The following SSC4D variants were observed in gnomAD, a reference collection of about 807,000 sequenced individuals.
The protein encoded by SSC4D is scavenger receptor cysteine rich family member with 4 domains.
In SSC4D, 57 loss-of-function variants were observed where a neutral mutation model predicts 63.4. That is an observed-to-expected ratio of 0.90 (90% CI 0.73 to 1.12). The LOEUF (loss-of-function observed/expected upper bound fraction) is 1.12. Among genes scored for constraint, SSC4D ranks in the 50% most tolerant of loss-of-function variants. The pLI is 0.00. For missense variants in SSC4D, 791 were observed against 806.4 expected (o/e 0.98, Z 0.23); for synonymous variants, 352 against 345.4 (o/e 1.02, Z -0.21).
chr7:76,397,878 G>GC, intron 5 of SSC4D, 46 bp from the exon 6 acceptor site: 2 of 1,465,692 alleles, frequency 1.4e-6, no homozygotes, highest in East Asian at 5.0e-5. Flanking sequence ...ACTGGCCTCT[G>GC]CCCCCGTCCG....
At chr7:76,404,770 C>T (rs906052974) in intron 1 of SSC4D, among the ~76,000 whole-genome samples, 2 of 150,288 alleles carry the variant, frequency 1.3e-5, no homozygotes, top group Non-Finnish European at 3.0e-5. Context: ...TGTCTGTTAC[C>T]AAAAAATGCA....
chr7:76,399,295 G>A (rs1804738873), intron 4 of SSC4D, among the ~76,000 whole-genome samples: 1 of 152,016 alleles, frequency 6.6e-6, no homozygotes, highest in South Asian at 2.1e-4. Flanking sequence ...TTACAGGCAT[G>A]AGCCACCGTG....
chr7:76,389,817 A>G lies in SSC4D; in HGVS notation c.*242T>C. 1 of 555,240 alleles carries G rather than the reference A, an allele frequency of 1.8e-6. No individual in the cohort carries two copies. The highest frequency in any genetic ancestry group is 3.2e-6 in the Non-Finnish European group (1 of 315,202). The allele number at this position is 555,240 out of a possible 1,614,324, so 34.4% of individuals were successfully genotyped here. A position where few individuals can be genotyped will look rare whatever the true frequency, so the allele number is the denominator to read the frequency against. Reference sequence around the variant, plus strand: ...CTCGTTTTGGTTTTGGCTGAGCAAAACCACAGGAGCTTTCACTGAATTGGG... The same window carrying G: ...CTCGTTTTGGTTTTGGCTGAGCAAAGCCACAGGAGCTTTCACTGAATTGGG... On this transcript the variant is annotated 3_prime_UTR_variant, in exon 11 of 11. Transcript: ENST00000275560.
In SSC4D at chr7:76,404,347, G is replaced by T. The variant is rs752538526; in HGVS notation, c.93C>A (p.Phe31Leu). The T allele has an allele frequency of 6.2e-7, 1 of 1,612,746 alleles. No individual in the cohort carries two copies. Among genetic ancestry groups the T allele is most frequent in the Admixed American group, 1.7e-5 (1 of 59,868 alleles). ...GAAGGAAAGACAGGGCTTGGGGGAG[G>T]AAGGGAGGGGCAGCACTCCCATCTC... is the stretch of plus-strand genomic sequence containing the variant. ...RLGDGSAAPP[F>L]LPQALSFLLL... The change falls in exon 2 of 11, where the codon TTC becomes TTA. Residue 31 changes from phenylalanine to leucine, a missense_variant. Coordinates refer to ENST00000275560, the MANE Select transcript of SSC4D (RefSeq NM_080744.2).
At chr7:76,395,104 A>G (rs1245085575) in intron 7 of SSC4D, 149 bp downstream of exon 7, 2 of 802,700 alleles carry the variant, frequency 2.5e-6, no homozygotes, top group East Asian at 2.6e-5. Flanking sequence ...CCGTCTGCTC[A>G]TAATTGTCTC....
chr7:76,399,857 C>A (rs958685866), intron 4 of SSC4D, among the ~76,000 whole-genome samples: 4 of 151,908 alleles, frequency 2.6e-5, no homozygotes, highest in Non-Finnish European at 5.9e-5. Flanking sequence ...AGAGGGGAAC[C>A]AGTGGGGTGA....
At chr7:76,396,936 T>C (rs1350073129) in intron 6 of SSC4D, among the ~76,000 whole-genome samples, 1 of 152,186 alleles carries the variant, frequency 6.6e-6, no homozygotes, top group Non-Finnish European at 1.5e-5. Context: ...GGAATATCTC[T>C]GGGGCAATTC....
At chr7:76,392,091 A>T (rs567630895) in intron 9 of SSC4D, 50 bp from the exon 10 acceptor site, 1 of 1,539,874 alleles carries the variant, frequency 6.5e-7, no homozygotes, top group African/African-American at 1.4e-5. Context: ...AATGGGAAGC[A>T]TGTTCCTTAG....
chr7:76,400,264 C>T, intron 4 of SSC4D, 22 bp downstream of exon 4: 1 of 1,443,706 alleles, frequency 6.9e-7, no homozygotes. Context: ...TCTGTCCCTC[C>T]AGGTCCCAGG....
At chr7:76,393,792 C>T in intron 8 of SSC4D, 38 bp downstream of exon 8, 1 of 1,509,248 alleles carries the variant, frequency 6.6e-7, no homozygotes, top group Non-Finnish European at 8.8e-7. Context: ...CAGCCCTACC[C>T]TTCCCCATCC....
At chr7:76,393,925 G>T in intron 7 of SSC4D, 21 bp from the exon 8 acceptor site, 2 of 1,585,638 alleles carry the variant, frequency 1.3e-6, no homozygotes. Context: ...AGGGCATCTA[G>T]GGCGTTCGAA....
chr7:76,405,965 C>CTTCCT lies in SSC4D; in HGVS notation c.-66-1465_-66-1461dup, dbSNP rs1554622787. ...CCTTTCTTTCCTTCCTTCCTTCCTTCTTCCTTTCCTTTCCTTTCTTTTCTT... is the reference window on the plus strand; with the variant it reads ...CCTTTCTTTCCTTCCTTCCTTCCTTCTTCCTTTCCTTTCCTTTCCTTTCTTTTCTT... On this transcript the variant is annotated intron_variant, in intron 1 of 10. Coordinates refer to ENST00000275560, the MANE Select transcript of SSC4D (RefSeq NM_080744.2). Among the ~76,000 whole-genome samples the CTTCCT allele has an allele frequency of 6.2e-5, 8 of 129,020 alleles. 1 individual carries two copies. The highest frequency in any genetic ancestry group is 3.0e-4 in the Admixed American group (4 of 13,450). The allele number at this position is 129,020 out of a possible 152,430, so 84.6% of individuals were successfully genotyped here.
chr7:76,394,799 A>AGAT (rs1456561565), intron 7 of SSC4D, among the ~76,000 whole-genome samples: 93 of 99,822 alleles, frequency 9.3e-4, no homozygotes, highest in South Asian at 4.5e-3. Flanking sequence ...GATATATATA[A>AGAT]ATATATAAAA....
Position 76,400,353 on chromosome 7 carries a change from C to T in SSC4D, c.408G>A (p.Glu136=), listed in dbSNP as rs1454541457. Residue 136 remains glutamate, a synonymous_variant, in exon 4 of 11, where the codon GAG becomes GAA. Transcript: ENST00000275560. Reference sequence around the variant, plus strand: ...GGACGCCCCAGCCGCGGCTGCCGCACTCGCTCAGCGCAGCTTCCTGCCCGC... The same window carrying T: ...GGACGCCCCAGCCGCGGCTGCCGCATTCGCTCAGCGCAGCTTCCTGCCCGC... ...ECRGQEAALS[E]CGSRGWGVHN... 6.5e-7 allele frequency: 1 copy of T among 1,546,036 alleles called. No individual in the cohort carries two copies. Among genetic ancestry groups the T allele is most frequent in the Non-Finnish European group, 8.8e-7 (1 of 1,142,080 alleles).
At chr7:76,402,305 G>A (rs550921798) in intron 2 of SSC4D, among the ~76,000 whole-genome samples, 14 of 150,076 alleles carry the variant, frequency 9.3e-5, no homozygotes, top group African/African-American at 3.2e-4. Context: ...TCAGCCTCCC[G>A]AGTAATTGGG....
At position 76,394,107 on chromosome 7, in the gene SSC4D, G is replaced by T. The variant is rs77258178; in HGVS notation, c.947-203C>A. Among the ~76,000 whole-genome samples, 1,233 of 152,192 alleles carry T rather than the reference G, an allele frequency of 8.1e-3. 18 individuals are homozygous for T. Among genetic ancestry groups the T allele is most frequent in the African/African-American group, 0.028 (1,156 of 41,510 alleles). The stretch of plus-strand genomic sequence containing the variant: ...TGAATGAACCGAAAGCTAATTCTAG[G>T]TATTATCCTAACTTCAGGCCCAGGG... On this transcript the variant is annotated intron_variant, in intron 7 of 10. Transcript: ENST00000275560.
intron 6 of SSC4D, among the ~76,000 whole-genome samples, chr7:76,397,141 G>T (rs60095098): frequency 0.23 from 35,278 of 152,034 alleles, 4,462 homozygotes; most frequent in East Asian, 0.46. Context: ...GGAGTGCAGT[G>T]GCGTCAGCTC....
chr7:76,409,364 TGCACAC>T (rs1805169482), intron 1 of SSC4D, 44 bp downstream of exon 1: 1 of 143,672 alleles, frequency 7.0e-6, no homozygotes, highest in Non-Finnish European at 1.5e-5. Flanking sequence ...CACACATGCA[TGCACAC>T]GCACACACAC....
chr7:76,393,838 C>T lies in SSC4D; in HGVS notation c.1013G>A (p.Gly338Glu). 1 of 1,597,984 alleles carries T rather than the reference C, an allele frequency of 6.3e-7. No homozygotes were observed. Among genetic ancestry groups the T allele is most frequent in the South Asian group, 1.1e-5 (1 of 88,484 alleles). ...ALLTTAAWAA[G>E]KKSGRLRLVG... ...CAGGCACCGCCACTTACTTTTCTTC[C>T]CCGCGGCCCAGGCGGCGGTGGTGAG... The change falls in exon 8 of 11, where the codon GGG (glycine) becomes GAG (glutamate). Residue 338 changes from glycine (G) to glutamate (E), a missense_variant. Gly to Glu is a moderately conservative substitution (Grantham distance 98). Transcript: ENST00000275560.
Sources: allele counts gnomAD v4.1 joint callset (sites outside exome capture counted in the v4.1 genomes callset), GRCh38; gene constraint gnomAD v4.1.1; transcripts MANE v1.5; gene names NCBI Gene and HGNC (gene_info 2026-07-23, HGNC 2026-07-21).